The following STX1B variants were observed in gnomAD, a reference collection of about 807,000 sequenced individuals.
STX1B encodes the protein syntaxin 1B.
A neutral mutation model predicts 39.4 loss-of-function variants in STX1B; 7 were observed. The ratio of observed to expected loss-of-function variants is 0.18; its 90% CI spans 0.10 to 0.33. STX1B has a LOEUF of 0.33. Ranked by LOEUF, STX1B falls within the 10% of genes least tolerant of loss-of-function variation. The probability of loss-of-function intolerance (pLI) is 1.00; values close to 1 mark genes in which losing one functional copy is unlikely to be tolerated. For missense variants in STX1B, 198 were observed against 383.2 expected (o/e 0.52, Z 4.04); for synonymous variants, 136 against 144.1 (o/e 0.94, Z 0.40).
chr16:31,001,751 C>A lies in STX1B; in HGVS notation c.31-148G>T. On this transcript the variant is annotated intron_variant, in intron 1 of 9. Coordinates refer to ENST00000215095, the MANE Select transcript of STX1B (RefSeq NM_052874.5). The surrounding 1 kb of genome is among the most constrained non-coding windows in gnomAD (Gnocchi z 5.5). Reference sequence around the variant, plus strand: ...GAGGGGTCCTGGGAGGGGTCCCATGCAGGGTAGATGGCAAAGGCACCAAAA... The same window carrying A: ...GAGGGGTCCTGGGAGGGGTCCCATGAAGGGTAGATGGCAAAGGCACCAAAA... The A allele has an allele frequency of 1.6e-6, 1 of 616,406 alleles. No homozygotes were observed. The highest frequency in any genetic ancestry group is 3.1e-5 in the Admixed American group (1 of 32,700). The allele number at this position is 616,406 out of a possible 1,614,324, so 38.2% of individuals were successfully genotyped here.
At position 31,001,428 on chromosome 16, in the gene STX1B, G is replaced by C. The variant is rs112264084; in HGVS notation, c.105+101C>G. ...CTAGGGGCTGGGGCTGGGTGCTGGG[G>C]CTGGGGCTGGGTGCCGGGGCTGAGG... is the stretch of plus-strand genomic sequence containing the variant. On this transcript the variant is annotated intron_variant, in intron 2 of 9. Coordinates refer to ENST00000215095, the MANE Select transcript of STX1B (RefSeq NM_052874.5). This position sits in a 1 kb window ranked among gnomAD's most constrained non-coding sequence, Gnocchi z 5.5. 1 of 970,090 alleles carries C rather than the reference G, an allele frequency of 1.0e-6. No homozygotes were observed. The highest frequency in any genetic ancestry group is 1.6e-5 in the African/African-American group (1 of 60,928). 60.1% of individuals were successfully genotyped at this position (970,090 alleles called of 1,614,324 possible). A position where few individuals can be genotyped will look rare whatever the true frequency, so the allele number is the denominator to read the frequency against.
chr16:31,010,174 C>T (rs1388909135), intron 1 of STX1B, among the ~76,000 whole-genome samples, 193 bp downstream of exon 1: 2 of 152,080 alleles, frequency 1.3e-5, no homozygotes, highest in Admixed American at 6.6e-5. Context: ...GCCTCCAACC[C>T]CTTCCAGGCA....
intron 4 of STX1B, among the ~76,000 whole-genome samples, chr16:31,000,660 T>G (rs2056621970): frequency 4.6e-5 from 7 of 152,112 alleles, no homozygotes; most frequent in Admixed American, 4.6e-4. Flanking sequence ...CCCAGCTAAT[T>G]TTTGTGCTTT....
intron 7 of STX1B, 164 bp downstream of exon 7, chr16:30,996,519 T>TG: frequency 3.1e-6 from 2 of 639,520 alleles, no homozygotes; most frequent in East Asian, 5.4e-5. Context: ...CGTCATCTGA[T>TG]GGGGGTGCCT....
chr16:30,990,117 G>A lies in STX1B; in HGVS notation c.*2704C>T, dbSNP rs1387631911. 6.6e-6 allele frequency: 1 copy of A among 152,292 alleles called. No homozygotes were observed. The highest frequency in any genetic ancestry group is 2.4e-5 in the African/African-American group (1 of 41,446). The allele number at this position is 152,292 out of a possible 1,614,324, so 9.4% of individuals were successfully genotyped here. ...GAGGCCCAGAGATGGGCAGCTGTGG[G>A]CCCAATGCCACTCCAGGTGGGGGGA... On this transcript the variant is annotated 3_prime_UTR_variant, in exon 10 of 10. Transcript: ENST00000215095.
Position 30,996,608 on chromosome 16 carries a change from C to T in STX1B, c.537+75G>A, listed in dbSNP as rs1448965441. 24 of 1,352,958 alleles carry T rather than the reference C, an allele frequency of 1.8e-5. 1 individual carries two copies. Among genetic ancestry groups the T allele is most frequent in the Non-Finnish European group, 2.0e-5 (19 of 954,294 alleles). The allele number at this position is 1,352,958 out of a possible 1,614,324, so 83.8% of individuals were successfully genotyped here. A position where few individuals can be genotyped will look rare whatever the true frequency, so the allele number is the denominator to read the frequency against. ...TCATTTTTCCAGGGTGGACTTAGGA[C>T]CTTAGTTCAACCTGAACTTAGGGAG... On this transcript the variant is annotated intron_variant, in intron 7 of 9. Coordinates refer to ENST00000215095, the MANE Select transcript of STX1B (RefSeq NM_052874.5).
intron 1 of STX1B, among the ~76,000 whole-genome samples, chr16:31,008,422 C>T (rs1398990314): frequency 1.3e-5 from 2 of 152,142 alleles, no homozygotes; most frequent in Middle Eastern, 3.4e-3. Context: ...CCCCTTACCC[C>T]GCTTAGCCTT....
chr16:30,995,710 C>T (rs568178762), intron 7 of STX1B, among the ~76,000 whole-genome samples: 3 of 151,862 alleles, frequency 2.0e-5, no homozygotes, highest in Admixed American at 1.3e-4. Flanking sequence ...AGGCTGGTCT[C>T]GAACTCCTGA....
At position 30,993,252 on chromosome 16, in the gene STX1B, G is replaced by A. The variant is rs765040259; in HGVS notation, c.676-12C>T. On this transcript the variant is annotated splice_polypyrimidine_tract_variant and intron_variant, in intron 8 of 9. Coordinates refer to ENST00000215095, the MANE Select transcript of STX1B (RefSeq NM_052874.5). ...TCAATCATCTCTCCCTGCAGACAGA[G>A]GAGACATGCACAGGGAGGGATGGGG... 6.2e-7 allele frequency: 1 copy of A among 1,614,078 alleles called. No individual in the cohort carries two copies. Among genetic ancestry groups the A allele is most frequent in the South Asian group, 1.1e-5 (1 of 91,080 alleles).
At chr16:30,996,637 A>T (rs759589167) in intron 7 of STX1B, 46 bp downstream of exon 7, 5 of 1,583,546 alleles carry the variant, frequency 3.2e-6, no homozygotes, top group Non-Finnish European at 4.3e-6. Context: ...TAGGGAGGGG[A>T]GGCAAAAATT....
intron 4 of STX1B, among the ~76,000 whole-genome samples, chr16:30,998,482 G>A (rs1043942917): frequency 2.7e-4 from 41 of 152,360 alleles, no homozygotes; most frequent in African/African-American, 9.1e-4. Flanking sequence ...CCAGATTGGG[G>A]CCCGACTGTC....
chr16:31,007,372 C>T (rs1019454395), intron 1 of STX1B, among the ~76,000 whole-genome samples: 9 of 152,120 alleles, frequency 5.9e-5, no homozygotes, highest in Non-Finnish European at 7.3e-5. Flanking sequence ...TTCTCCCACC[C>T]GACTCCACAG....
intron 7 of STX1B, among the ~76,000 whole-genome samples, chr16:30,993,998 AAG>A (rs1162165904): frequency 6.6e-6 from 1 of 151,576 alleles, no homozygotes; most frequent in Non-Finnish European, 1.5e-5. Flanking sequence ...AAAAAAAAAA[AAG>A]AGTCAGGGCT....
chr16:30,993,726 C>G (rs1282022258), intron 7 of STX1B, among the ~76,000 whole-genome samples: 1 of 151,946 alleles, frequency 6.6e-6, no homozygotes, highest in Non-Finnish European at 1.5e-5. Flanking sequence ...CACGATGGCT[C>G]ACACCTGTAA....
rs538147481 is a variant in STX1B, at chr16:30,997,268, T to A, written c.355-209A>T. On this transcript the variant is annotated intron_variant, in intron 5 of 9. Coordinates refer to ENST00000215095, the MANE Select transcript of STX1B (RefSeq NM_052874.5). ...GTTCCCTACCCGCCCGGCACCCCCA[T>A]CTTAGGCCAACACCAGCTAGAGACA... 1.1e-4 allele frequency among the ~76,000 whole-genome samples: 16 copies of A among 152,182 alleles called. No individual in the cohort carries two copies. The South Asian group carries it at 3.1e-3, about 30-fold the overall frequency.
chr16:30,992,954 G>C, intron 9 of STX1B, 53 bp from the exon 10 acceptor site: 1 of 1,494,950 alleles, frequency 6.7e-7, no homozygotes, highest in Non-Finnish European at 9.3e-7. Context: ...ATCGACACAC[G>C]GACAGATGCA....
At chr16:31,008,205 C>G (rs534536254) in intron 1 of STX1B, among the ~76,000 whole-genome samples, 1 of 151,900 alleles carries the variant, frequency 6.6e-6, no homozygotes, top group Non-Finnish European at 1.5e-5. Flanking sequence ...GAGACCCTTA[C>G]GCTACCTGAA....
In STX1B at chr16:30,990,983, C is replaced by T. The variant is rs1477758900; in HGVS notation, c.*1838G>A. 6.6e-6 allele frequency: 1 copy of T among 152,378 alleles called. No individual in the cohort carries two copies. The highest frequency in any genetic ancestry group is 6.5e-5 in the Admixed American group (1 of 15,286). The allele number at this position is 152,378 out of a possible 1,614,324, so 9.4% of individuals were successfully genotyped here. A position where few individuals can be genotyped will look rare whatever the true frequency, so the allele number is the denominator to read the frequency against. ...CTTCTGAAATAGACATTTCCCCAAA[C>T]CCGAGTTCCCTGAGGCAGAGCCCAG... On this transcript the variant is annotated 3_prime_UTR_variant, in exon 10 of 10. Transcript: ENST00000215095.
chr16:31,008,942 C>T (rs551036694), intron 1 of STX1B, among the ~76,000 whole-genome samples: 2 of 152,240 alleles, frequency 1.3e-5, no homozygotes, highest in Non-Finnish European at 2.9e-5. Context: ...AGTGAATATG[C>T]ATAAAACACT....
Sources: allele counts gnomAD v4.1 joint callset (sites outside exome capture counted in the v4.1 genomes callset), GRCh38; gene constraint gnomAD v4.1.1; non-coding constraint Gnocchi (gnomAD v3.1); transcripts MANE v1.5; gene names NCBI Gene and HGNC (gene_info 2026-07-23, HGNC 2026-07-21).